The following RAF1 variants were observed in gnomAD, a reference collection of about 807,000 sequenced individuals.
RAF1 encodes the protein Raf-1 proto-oncogene, serine/threonine kinase.
A neutral mutation model predicts 81.1 loss-of-function variants in RAF1; 27 were observed. The observed-to-expected ratio is 0.33, with a 90% CI of 0.25 to 0.46. RAF1 has a LOEUF of 0.46. Among genes scored for constraint, RAF1 ranks in the 20% least tolerant of loss-of-function variants. The pLI is 1.00. For synonymous variants in RAF1, 298 were observed against 294.0 expected (o/e 1.01, Z -0.14); for missense variants, 598 against 826.0 (o/e 0.72, Z 3.38).
At chr3:12,656,718 C>A (rs560222063) in intron 1 of RAF1, among the ~76,000 whole-genome samples, 1 of 152,268 alleles carries the variant, frequency 6.6e-6, no homozygotes, top group East Asian at 1.9e-4. Context: ...TTCAACTTGG[C>A]CACTGCGGTG....
At chr3:12,615,752 C>T (rs2059351128) in intron 2 of RAF1, among the ~76,000 whole-genome samples, 1 of 152,124 alleles carries the variant, frequency 6.6e-6, no homozygotes, top group Non-Finnish European at 1.5e-5. Flanking sequence ...GTATAAAAAG[C>T]TAAGAAATAA....
chr3:12,600,002 G>A (rs1275544254), intron 10 of RAF1, 150 bp downstream of exon 9: 9 of 1,362,014 alleles, frequency 6.6e-6, no homozygotes, highest in Non-Finnish European at 9.4e-6. Context: ...TGATGCAAGT[G>A]TGCCAAAAAT....
At position 12,587,489 on chromosome 3, in the gene RAF1, G is replaced by C. The variant is rs995282841; in HGVS notation, c.1477+102C>G. The C allele has an allele frequency of 7.2e-6, 8 of 1,112,508 alleles. No homozygotes were observed. In the South Asian group the frequency reaches 8.7e-5, roughly 12 times the overall value. 68.9% of individuals were successfully genotyped at this position (1,112,508 alleles called of 1,614,324 possible). A position where few individuals can be genotyped will look rare whatever the true frequency, so the allele number is the denominator to read the frequency against. On this transcript the variant is annotated intron_variant, in intron 14 of 17. Transcript: ENST00000442415. ...TGTCCTCTGCCTCTTTCCTTAAAAA[G>C]ATATCCCCTGGCACCGAGAGCCACT...
intron 1 of RAF1, among the ~76,000 whole-genome samples, chr3:12,659,411 G>A (rs2060803968): frequency 2.2e-5 from 1 of 46,120 alleles, no homozygotes; most frequent in Non-Finnish European, 3.9e-5. Flanking sequence ...CTGGGCAACA[G>A]CACCAGATTT....
At chr3:12,622,911 C>T (rs1057169496) in intron 1 of RAF1, among the ~76,000 whole-genome samples, 13 of 152,024 alleles carry the variant, frequency 8.6e-5, no homozygotes, top group Admixed American at 5.9e-4. Context: ...ACCTGTAATC[C>T]CAGCACTTTG....
At chr3:12,618,051 G>A (rs1027276091) in intron 2 of RAF1, among the ~76,000 whole-genome samples, 1 of 152,090 alleles carries the variant, frequency 6.6e-6, no homozygotes, top group African/African-American at 2.4e-5. Context: ...TGATTTCTAA[G>A]CTGCCTCCAG....
At chr3:12,649,642 C>T (rs1282793121) in intron 1 of RAF1, among the ~76,000 whole-genome samples, 1 of 151,832 alleles carries the variant, frequency 6.6e-6, no homozygotes, top group Non-Finnish European at 1.5e-5. Context: ...TTAGTTACAC[C>T]ATTAATTCAT....
At chr3:12,644,267 A>G (rs1432455522) in intron 1 of RAF1, among the ~76,000 whole-genome samples, 1 of 152,214 alleles carries the variant, frequency 6.6e-6, no homozygotes, top group Non-Finnish European at 1.5e-5. Flanking sequence ...ATTTTAAGGT[A>G]CATCTGTCAC....
At chr3:12,625,928 T>A (rs13069461) in intron 1 of RAF1, among the ~76,000 whole-genome samples, 18,483 of 151,740 alleles carry the variant, frequency 0.12, 1,361 homozygotes, top group Admixed American at 0.2. Context: ...ATGCGTAGTA[T>A]AATATCGAAA....
chr3:12,642,720 A>ACACACACACACACACAC (rs2060231024), intron 1 of RAF1, among the ~76,000 whole-genome samples: 1 of 145,396 alleles, frequency 6.9e-6, no homozygotes, highest in Non-Finnish European at 1.5e-5. Flanking sequence ...ACACACACAC[A>ACACACACACACACACAC]AAATAGCTGC....
intron 15 of RAF1, 172 bp from the exon 15 acceptor site, chr3:12,585,425 G>A (rs1462561983): frequency 1.0e-6 from 1 of 985,134 alleles, no homozygotes; most frequent in African/African-American, 1.7e-5. Flanking sequence ...AACAGCTCAG[G>A]AATCCTTGTC....
chr3:12,621,336 C>T (rs2059551038), intron 1 of RAF1, among the ~76,000 whole-genome samples: 1 of 152,114 alleles, frequency 6.6e-6, no homozygotes, highest in Non-Finnish European at 1.5e-5. Context: ...GCTGAAATGG[C>T]CTAGAATTAA....
intron 2 of RAF1, among the ~76,000 whole-genome samples, 162 bp downstream of exon 2, chr3:12,618,353 G>C (rs1017864586): frequency 1.3e-5 from 2 of 151,318 alleles, no homozygotes; most frequent in African/African-American, 4.9e-5. Context: ...AGGGGGTGTG[G>C]AAGGAACAGC....
chr3:12,615,831 CAGA>C (rs999809925), intron 2 of RAF1, among the ~76,000 whole-genome samples: 2 of 152,134 alleles, frequency 1.3e-5, no homozygotes, highest in African/African-American at 4.8e-5. Flanking sequence ...GCAGGCGGAT[CAGA>C]AGGTCAGGAG....
intron 1 of RAF1, among the ~76,000 whole-genome samples, chr3:12,637,044 G>A (rs946952965): frequency 1.3e-5 from 2 of 152,068 alleles, no homozygotes; most frequent in South Asian, 4.1e-4. Context: ...GAATAAGATA[G>A]TGTATATAAA....
chr3:12,598,391 C>A lies in RAF1; in HGVS notation c.1168+1300G>T, dbSNP rs114401717. Among the ~76,000 whole-genome samples, 487 of 152,196 alleles carry A rather than the reference C, an allele frequency of 3.2e-3. 4 individuals are homozygous for A. Among genetic ancestry groups the A allele is most frequent in the African/African-American group, 0.011 (466 of 41,554 alleles). On this transcript the variant is annotated intron_variant, in intron 11 of 17. Transcript: ENST00000442415. ...GTCGGGTGCCAATCCTCTTAAGGAA[C>A]TAGAAATTGGTCAGATGATTAATTA...
intron 8 of RAF1, chr3:12,603,370 A>T (rs2058923478): frequency 1.8e-6 from 1 of 551,590 alleles, no homozygotes; most frequent in Admixed American, 3.1e-5. Context: ...AGTGACAAGA[A>T]ATATAAATTT....
chr3:12,586,542 C>T (rs751255298), intron 14 of RAF1, among the ~76,000 whole-genome samples: 1 of 152,144 alleles, frequency 6.6e-6, no homozygotes, highest in African/African-American at 2.4e-5. Flanking sequence ...GCTAAAAACC[C>T]CACCACTGAA....
At chr3:12,623,066 TTTTA>T (rs1261159219) in intron 1 of RAF1, among the ~76,000 whole-genome samples, 2 of 152,136 alleles carry the variant, frequency 1.3e-5, no homozygotes, top group East Asian at 3.8e-4. Flanking sequence ...CTGTAATAAA[TTTTA>T]TTTTTTATAT....
Sources: allele counts gnomAD v4.1 joint callset (sites outside exome capture counted in the v4.1 genomes callset), GRCh38; gene constraint gnomAD v4.1.1; transcripts MANE v1.5; gene names NCBI Gene and HGNC (gene_info 2026-07-23, HGNC 2026-07-21).